Variants in CTNNA3 observed in about 807,000 individuals in gnomAD.
CTNNA3 encodes the protein catenin alpha 3.
A neutral mutation model predicts 95.7 loss-of-function variants in CTNNA3; 76 were observed. The observed-to-expected ratio is 0.79, with a 90% CI of 0.66 to 0.96. The LOEUF (loss-of-function observed/expected upper bound fraction) is 0.96, where lower values mean the gene tolerates loss of function less well. Ranked by LOEUF, CTNNA3 falls within the 40% of genes least tolerant of loss-of-function variation. The pLI, the probability that CTNNA3 is intolerant of heterozygous loss-of-function variation, is 0.00. For synonymous variants in CTNNA3, 431 were observed against 374.4 expected, an observed-to-expected ratio of 1.15 and a Z score of -1.74; for missense variants, 1,191 against 1,089.8, an observed-to-expected ratio of 1.09 and a Z score of -1.31.
intron 17 of CTNNA3, among the ~76,000 whole-genome samples, chr10:65,956,259 T>C (rs576756480): frequency 6.6e-6 from 1 of 152,330 alleles, no homozygotes; most frequent in East Asian, 1.9e-4. Context: ...TTTTATTGCA[T>C]CTATTTGATT....
intron 7 of CTNNA3, among the ~76,000 whole-genome samples, chr10:66,980,784 G>A (rs116803809): frequency 6.6e-6 from 1 of 152,192 alleles, no homozygotes; most frequent in South Asian, 2.1e-4. Flanking sequence ...TCATGTACAA[G>A]AGTGTTCAAG....
chr10:66,508,093 A>C (rs1840515550), intron 11 of CTNNA3, among the ~76,000 whole-genome samples: 1 of 150,948 alleles, frequency 6.6e-6, no homozygotes, highest in Non-Finnish European at 1.5e-5. Context: ...TAATAAAATT[A>C]TATTAGTGAT....
chr10:67,076,171 A>G lies in CTNNA3; in HGVS notation c.1047+104146T>C, dbSNP rs1288600032. ...AAAGTGAATAATTTCAGAAGATTCA[A>G]TTCCTCCAGAGAGCTACAATTTTTC... On this transcript the variant is annotated intron_variant, in intron 7 of 17. Coordinates refer to ENST00000433211, the MANE Select transcript of CTNNA3 (RefSeq NM_013266.4). 3.9e-5 allele frequency among the ~76,000 whole-genome samples: 6 copies of G among 152,358 alleles called. No individual in the cohort carries two copies. The East Asian group carries it at 7.7e-4, about 20-fold the overall frequency.
chr10:67,615,712 G>A (rs1458613747), intron 2 of CTNNA3, among the ~76,000 whole-genome samples: 2 of 132,098 alleles, frequency 1.5e-5, no homozygotes, highest in Admixed American at 1.8e-4. Context: ...ACCCAGGCTA[G>A]AGTGCAGTGG....
intron 7 of CTNNA3, among the ~76,000 whole-genome samples, chr10:67,153,047 C>T (rs1205945474): frequency 1.3e-5 from 2 of 151,948 alleles, no homozygotes; most frequent in Non-Finnish European, 2.9e-5. Flanking sequence ...GTGATATCAG[C>T]TCACTGCAAC....
chr10:66,134,762 A>G (rs988381504), intron 13 of CTNNA3, among the ~76,000 whole-genome samples: 3 of 152,168 alleles, frequency 2.0e-5, no homozygotes, highest in African/African-American at 2.4e-5. Context: ...ATAAAGGTCA[A>G]AATGTCACAA....
At chr10:67,051,463 C>T (rs892461068) in intron 7 of CTNNA3, among the ~76,000 whole-genome samples, 13 of 129,746 alleles carry the variant, frequency 1.0e-4, no homozygotes, top group Non-Finnish European at 1.5e-4. Context: ...TTTCTTTTTT[C>T]TTTTTTTTTT....
intron 7 of CTNNA3, among the ~76,000 whole-genome samples, chr10:67,026,617 A>G (rs539224050): frequency 2.6e-5 from 4 of 152,176 alleles, no homozygotes; most frequent in Non-Finnish European, 5.9e-5. Context: ...AGTCTTCTGA[A>G]CATTCATATT....
chr10:67,074,136 G>C (rs888013569), intron 7 of CTNNA3, among the ~76,000 whole-genome samples: 1 of 146,964 alleles, frequency 6.8e-6, no homozygotes, highest in African/African-American at 2.5e-5. Context: ...GAGTTGAAGA[G>C]ATCCTCCTTC....
intron 7 of CTNNA3, among the ~76,000 whole-genome samples, chr10:67,015,122 C>T (rs1852577517): frequency 6.6e-6 from 1 of 152,106 alleles, no homozygotes; most frequent in Non-Finnish European, 1.5e-5. Context: ...CTATTAACCC[C>T]ATGCTATGTA....
chr10:65,962,237 TCTC>T (rs2133243570), intron 17 of CTNNA3, among the ~76,000 whole-genome samples: 1 of 152,090 alleles, frequency 6.6e-6, no homozygotes, highest in South Asian at 2.1e-4. Context: ...AGACCCAACT[TCTC>T]CTAAACCTTT....
chr10:66,713,149 GTCTC>G (rs1473954357), intron 9 of CTNNA3, among the ~76,000 whole-genome samples: 2 of 152,082 alleles, frequency 1.3e-5, no homozygotes, highest in Non-Finnish European at 1.5e-5. Context: ...TATGATCTGG[GTCTC>G]TCTAATGCCT....
intron 7 of CTNNA3, among the ~76,000 whole-genome samples, chr10:66,928,813 C>A (rs1228967775): frequency 6.6e-6 from 1 of 152,070 alleles, no homozygotes; most frequent in African/African-American, 2.4e-5. Context: ...CCTGGTGGGA[C>A]CAAATCTACA....
At position 66,031,178 on chromosome 10, in the gene CTNNA3, T is replaced by C. The variant is rs558978120; in HGVS notation, c.2159+38130A>G. On this transcript the variant is annotated intron_variant, in intron 15 of 17. Transcript: ENST00000433211. The stretch of plus-strand genomic sequence containing the variant: ...CCTCAGAGAACTAAAAATAGAACTA[T>C]AATTTGACCCAGCAATCCTATTATT... Among the ~76,000 whole-genome samples the C allele has an allele frequency of 1.9e-4, 29 of 152,242 alleles. No individual in the cohort carries two copies. The South Asian group carries it at 4.4e-3, about 23-fold the overall frequency.
Position 67,427,837 on chromosome 10 carries a change from A to T in CTNNA3, c.579+94005T>A, listed in dbSNP as rs139878399. Among the ~76,000 whole-genome samples the T allele has an allele frequency of 9.2e-5, 14 of 152,114 alleles. No homozygotes were observed. In the East Asian group the frequency reaches 1.4e-3, roughly 15 times the overall value. ...ATGGGGATGATTCTGGGCCCAGAAG[A>T]TGGGTGGACTTGCAGAAAATAATGA... On this transcript the variant is annotated intron_variant, in intron 5 of 17. Coordinates refer to ENST00000433211, the MANE Select transcript of CTNNA3 (RefSeq NM_013266.4).
intron 10 of CTNNA3, 33 bp downstream of exon 10, chr10:66,621,659 T>G: frequency 7.8e-7 from 1 of 1,284,234 alleles, no homozygotes; most frequent in South Asian, 1.3e-5. Flanking sequence ...TTATATATAA[T>G]TTTACACACA....
chr10:67,062,763 T>G (rs1855833201), intron 7 of CTNNA3, among the ~76,000 whole-genome samples: 1 of 152,162 alleles, frequency 6.6e-6, no homozygotes, highest in South Asian at 2.1e-4. Flanking sequence ...CAAATTTGAT[T>G]CTGCTAATGA....
intron 7 of CTNNA3, among the ~76,000 whole-genome samples, chr10:66,911,432 C>G (rs1846218625): frequency 6.6e-6 from 1 of 152,070 alleles, no homozygotes; most frequent in Non-Finnish European, 1.5e-5. Context: ...TGTTTCCTTT[C>G]TATTTAACAA....
At chr10:66,513,983 T>C (rs773842595) in intron 11 of CTNNA3, among the ~76,000 whole-genome samples, 3 of 109,358 alleles carry the variant, frequency 2.7e-5, no homozygotes, top group Non-Finnish European at 6.4e-5. Flanking sequence ...ACCTGTGATG[T>C]GGAGATGCAG....
Sources: allele counts gnomAD v4.1 joint callset (sites outside exome capture counted in the v4.1 genomes callset), GRCh38; gene constraint gnomAD v4.1.1; transcripts MANE v1.5; gene names NCBI Gene and HGNC (gene_info 2026-07-23, HGNC 2026-07-21).